Variants in HLCS observed in about 807,000 individuals in gnomAD.
HLCS encodes holocarboxylase synthetase.
Under a neutral mutation model 75.0 loss-of-function variants are expected in HLCS, and 53 were observed. That is an observed-to-expected ratio of 0.71 (90% confidence interval 0.57 to 0.89). The LOEUF (loss-of-function observed/expected upper bound fraction) is 0.89, where lower values mean the gene tolerates loss of function less well. Among genes scored for constraint, HLCS ranks in the 40% least tolerant of loss-of-function variants. The pLI, the probability that HLCS is intolerant of heterozygous loss-of-function variation, is 0.00. For synonymous variants in HLCS, 431 were observed against 428.6 expected (o/e 1.01, Z -0.07); for missense variants, 966 against 1,074.0 (o/e 0.90, Z 1.41).
chr21:36,935,286 C>T (rs1189666808), intron 4 of HLCS, among the ~76,000 whole-genome samples: 1 of 152,206 alleles, frequency 6.6e-6, no homozygotes, highest in East Asian at 1.9e-4. Flanking sequence ...AGGAAACCTG[C>T]TTGGGCTGTA....
At chr21:36,956,684 C>T (rs139728907) in intron 2 of HLCS, among the ~76,000 whole-genome samples, 4,546 of 151,510 alleles carry the variant, frequency 0.03, 106 homozygotes, top group Middle Eastern at 0.11. Flanking sequence ...GAGCCGAGAT[C>T]GTGCCACTGC....
At chr21:36,962,965 C>T (rs2068384123) in intron 1 of HLCS, among the ~76,000 whole-genome samples, 1 of 152,150 alleles carries the variant, frequency 6.6e-6, no homozygotes, top group African/African-American at 2.4e-5. Context: ...ATCAACCCTG[C>T]TCCTCTCCCG....
At chr21:36,947,499 T>C in intron 2 of HLCS, 9 of 985,218 alleles carry the variant, frequency 9.1e-6, no homozygotes, top group Non-Finnish European at 1.1e-5. Context: ...CACTTTAAAT[T>C]TGCACTTCGA....
rs1569061450 is a variant in HLCS, at chr21:36,823,613, GTGT to G, written c.1893-56331_1893-56329del. 1.9e-4 allele frequency among the ~76,000 whole-genome samples: 26 copies of G among 138,996 alleles called. 1 individual carries two copies. The highest frequency in any genetic ancestry group is 3.6e-3 in the Middle Eastern group (1 of 278). 91.2% of individuals were successfully genotyped at this position (138,996 alleles called of 152,430 possible). ...TTTACCAGCTTCAAACGTGCAGGGT[GTGT>G]GTGTGTGTGTGTGTGTGTGTGTGTG... On this transcript the variant is annotated intron_variant, in intron 6 of 10. Coordinates refer to ENST00000674895, the MANE Select transcript of HLCS (RefSeq NM_001352514.2).
intron 6 of HLCS, among the ~76,000 whole-genome samples, chr21:36,865,382 A>G (rs1463523947): frequency 6.6e-6 from 1 of 152,152 alleles, no homozygotes; most frequent in East Asian, 1.9e-4. Context: ...AGATGCAAGC[A>G]GGAAAGAAGC....
At chr21:36,812,916 G>T (rs542311765) in intron 6 of HLCS, among the ~76,000 whole-genome samples, 1 of 152,026 alleles carries the variant, frequency 6.6e-6, no homozygotes, top group East Asian at 1.9e-4. Flanking sequence ...AAAATTAGCC[G>T]GGCATGGTGC....
intron 6 of HLCS, among the ~76,000 whole-genome samples, chr21:36,828,308 T>G (rs1329424637): frequency 6.6e-6 from 1 of 152,076 alleles, no homozygotes; most frequent in East Asian, 1.9e-4. Context: ...TTAAAAAAAT[T>G]TAGTCTCATA....
At chr21:36,890,148 C>T (rs13049458) in intron 6 of HLCS, among the ~76,000 whole-genome samples, 28,629 of 152,136 alleles carry the variant, frequency 0.19, 2,895 homozygotes, top group Middle Eastern at 0.29. Flanking sequence ...GATTGTAAGT[C>T]TCCTGAGGCC....
intron 6 of HLCS, among the ~76,000 whole-genome samples, chr21:36,880,480 T>C (rs1449810560): frequency 1.3e-5 from 2 of 152,026 alleles, no homozygotes; most frequent in Admixed American, 6.5e-5. Context: ...ATTACCTCAA[T>C]GGGCATCACA....
intron 5 of HLCS, among the ~76,000 whole-genome samples, chr21:36,921,117 C>T (rs2066145854): frequency 6.6e-6 from 1 of 152,154 alleles, no homozygotes; most frequent in Admixed American, 6.5e-5. Flanking sequence ...TTACCTAGGG[C>T]ATACAAAAGC....
chr21:36,947,823 G>C (rs1336933070), intron 2 of HLCS: 1 of 985,386 alleles, frequency 1.0e-6, no homozygotes, highest in Non-Finnish European at 1.2e-6. Context: ...TCTGCAGTGA[G>C]TGGGGAACAG....
At chr21:36,765,320 A>G in intron 7 of HLCS, 148 bp from the exon 8 acceptor site, 1 of 847,298 alleles carries the variant, frequency 1.2e-6, no homozygotes, top group Non-Finnish European at 1.9e-6. Flanking sequence ...TGGGCTTAAT[A>G]AAAGAAAAGC....
intron 6 of HLCS, among the ~76,000 whole-genome samples, chr21:36,843,629 C>T (rs569011192): frequency 6.6e-6 from 1 of 152,176 alleles, no homozygotes; most frequent in East Asian, 1.9e-4. Flanking sequence ...TTCAAAGTTA[C>T]TAGTGTGCGC....
At chr21:36,838,562 G>T (rs1310784674) in intron 6 of HLCS, among the ~76,000 whole-genome samples, 1 of 152,008 alleles carries the variant, frequency 6.6e-6, no homozygotes, top group East Asian at 1.9e-4. Context: ...AAATTAGCCG[G>T]GAGAGGTGAT....
chr21:36,771,980 C>T (rs1300469350), intron 6 of HLCS, among the ~76,000 whole-genome samples: 1 of 145,950 alleles, frequency 6.9e-6, no homozygotes, highest in East Asian at 2.0e-4. Flanking sequence ...GCCTAGGCAA[C>T]ATAGAGACTC....
At chr21:36,819,595 G>T (rs1414833497) in intron 6 of HLCS, among the ~76,000 whole-genome samples, 4 of 152,104 alleles carry the variant, frequency 2.6e-5, no homozygotes, top group Admixed American at 6.5e-5. Context: ...TTTACGGAAA[G>T]CTTCTAATAC....
At chr21:36,885,879 A>C (rs912347631) in intron 6 of HLCS, among the ~76,000 whole-genome samples, 2 of 152,158 alleles carry the variant, frequency 1.3e-5, no homozygotes, top group Admixed American at 6.5e-5. Flanking sequence ...CATGACACAG[A>C]TAAGGAAATA....
chr21:36,980,494 A>T (rs1001189747), intron 1 of HLCS: 1 of 152,188 alleles, frequency 6.6e-6, no homozygotes, highest in Non-Finnish European at 1.5e-5. Flanking sequence ...GGGAATAAAA[A>T]GCAGGATCCA....
intron 6 of HLCS, among the ~76,000 whole-genome samples, chr21:36,859,882 A>G (rs1231243196): frequency 6.6e-6 from 1 of 152,344 alleles, no homozygotes; most frequent in East Asian, 1.9e-4. Flanking sequence ...GAGATGGGGA[A>G]GAAGACGGTT....
Sources: allele counts gnomAD v4.1 joint callset (sites outside exome capture counted in the v4.1 genomes callset), GRCh38; gene constraint gnomAD v4.1.1; transcripts MANE v1.5; gene names NCBI Gene and HGNC (gene_info 2026-07-23, HGNC 2026-07-21).